Variants in KLHL32 observed in about 807,000 individuals in gnomAD.
The protein encoded by KLHL32 is kelch-like protein 32.
Under a neutral mutation model 64.8 loss-of-function variants are expected in KLHL32, and 35 were observed. That is an observed-to-expected ratio of 0.54 (90% CI 0.41 to 0.72). KLHL32 has a LOEUF of 0.72. KLHL32 is among the 30% of genes least tolerant of loss of function. The pLI is 0.00. For missense variants in KLHL32, 589 were observed against 768.5 expected (o/e 0.77, Z 2.76); for synonymous variants, 259 against 281.0 (o/e 0.92, Z 0.78).
intron 1 of KLHL32, among the ~76,000 whole-genome samples, chr6:96,930,997 G>A (rs1023125154): frequency 7.9e-5 from 12 of 152,058 alleles, no homozygotes; most frequent in African/African-American, 2.9e-4. Flanking sequence ...AGACCTCCTA[G>A]CCTTTCTGCA....
At chr6:97,127,079 T>A (rs1798950557) in intron 7 of KLHL32, among the ~76,000 whole-genome samples, 1 of 152,192 alleles carries the variant, frequency 6.6e-6, no homozygotes, top group South Asian at 2.1e-4. Flanking sequence ...TGTGTAGAGA[T>A]TTGTCTATGT....
At chr6:97,082,360 T>A (rs1323856095) in intron 5 of KLHL32, among the ~76,000 whole-genome samples, 1 of 152,178 alleles carries the variant, frequency 6.6e-6, no homozygotes, top group Non-Finnish European at 1.5e-5. Context: ...ACACCTGTAA[T>A]CCCAGCACTT....
At chr6:97,066,432 A>G (rs1385460312) in intron 5 of KLHL32, among the ~76,000 whole-genome samples, 2 of 152,200 alleles carry the variant, frequency 1.3e-5, no homozygotes, top group African/African-American at 2.4e-5. Flanking sequence ...AGTGACTTGT[A>G]TACTTTGGAA....
chr6:97,130,463 A>G (rs1457549009), intron 8 of KLHL32, among the ~76,000 whole-genome samples: 2 of 152,216 alleles, frequency 1.3e-5, no homozygotes, highest in African/African-American at 4.8e-5. Flanking sequence ...TGAGATAAAC[A>G]TCATGAAAAT....
intron 1 of KLHL32, among the ~76,000 whole-genome samples, chr6:96,925,306 CTA>C (rs1264120957): frequency 6.6e-6 from 1 of 152,140 alleles, no homozygotes; most frequent in Admixed American, 6.5e-5. Context: ...CGTGGGACAT[CTA>C]TTGAAAGAAC....
intron 9 of KLHL32, among the ~76,000 whole-genome samples, 157 bp downstream of exon 9, chr6:97,131,106 A>G (rs1408822618): frequency 1.3e-5 from 2 of 152,180 alleles, no homozygotes; most frequent in East Asian, 3.9e-4. Flanking sequence ...TTATGTTCTA[A>G]CAGAACTGGA....
the KLHL32 span, among the ~76,000 whole-genome samples, chr6:96,912,905 C>T: frequency 6.6e-6 from 1 of 152,180 alleles, no homozygotes; most frequent in Admixed American, 6.5e-5. Context: ...CACCAAGGTA[C>T]CCTGTAAGCC....
intron 3 of KLHL32, among the ~76,000 whole-genome samples, chr6:96,983,432 T>C (rs1288265271): frequency 6.6e-6 from 1 of 152,302 alleles, no homozygotes; most frequent in South Asian, 2.1e-4. Flanking sequence ...TTTCTATTGA[T>C]TGGAATAGTT....
At chr6:96,947,101 C>A (rs1209762588) in intron 1 of KLHL32, among the ~76,000 whole-genome samples, 4 of 152,132 alleles carry the variant, frequency 2.6e-5, no homozygotes, top group African/African-American at 9.7e-5. Context: ...TGGGTTCCTA[C>A]CTAAGTAAAT....
At chr6:97,062,182 C>T (rs1205569348) in intron 4 of KLHL32, among the ~76,000 whole-genome samples, 3 of 152,150 alleles carry the variant, frequency 2.0e-5, no homozygotes, top group Admixed American at 2.0e-4. Context: ...GAATATTCAT[C>T]TTGTCTCTCT....
At chr6:96,980,960 C>G (rs1232601547) in intron 3 of KLHL32, among the ~76,000 whole-genome samples, 2 of 147,922 alleles carry the variant, frequency 1.4e-5, no homozygotes, top group African/African-American at 5.0e-5. Flanking sequence ...GCAAACATGT[C>G]ATTCTTCACA....
At chr6:96,988,718 T>G (rs2128060553) in intron 3 of KLHL32, among the ~76,000 whole-genome samples, 1 of 152,266 alleles carries the variant, frequency 6.6e-6, no homozygotes, top group South Asian at 2.1e-4. Flanking sequence ...TGTCCAACAA[T>G]GATAGACTGG....
chr6:96,978,304 C>T (rs1257696636), intron 3 of KLHL32, among the ~76,000 whole-genome samples: 1 of 152,098 alleles, frequency 6.6e-6, no homozygotes, highest in African/African-American at 2.4e-5. Context: ...CAACCTCCAC[C>T]ATTAAGTAGG....
At chr6:96,998,952 C>T (rs182852038) in intron 3 of KLHL32, among the ~76,000 whole-genome samples, 157 of 151,914 alleles carry the variant, frequency 1.0e-3, no homozygotes, top group Non-Finnish European at 5.7e-4. Flanking sequence ...ACTAGAACAA[C>T]GTTAGTTAGA....
intron 3 of KLHL32, among the ~76,000 whole-genome samples, chr6:96,981,903 T>G (rs970628334): frequency 1.3e-5 from 2 of 152,200 alleles, no homozygotes; most frequent in African/African-American, 4.8e-5. Flanking sequence ...TATTACACTT[T>G]GGTCTGAGAG....
intron 6 of KLHL32, among the ~76,000 whole-genome samples, chr6:97,099,875 TA>T (rs11307696): frequency 0.16 from 22,959 of 145,878 alleles, 3,293 homozygotes; most frequent in African/African-American, 0.37. Flanking sequence ...CTATTTGGGT[TA>T]AAAAAAAAAA....
At chr6:97,052,522 A>G (rs1787099112) in intron 4 of KLHL32, among the ~76,000 whole-genome samples, 1 of 152,246 alleles carries the variant, frequency 6.6e-6, no homozygotes, top group African/African-American at 2.4e-5. Context: ...CTGTGTAAAC[A>G]AATGTTTCAC....
chr6:96,905,847 C>A, the KLHL32 span, among the ~76,000 whole-genome samples: 1 of 152,116 alleles, frequency 6.6e-6, no homozygotes, highest in African/African-American at 2.4e-5. Flanking sequence ...GTATTATACC[C>A]AACTATACAT....
chr6:96,978,879 A>G (rs1775993910), intron 3 of KLHL32, among the ~76,000 whole-genome samples: 2 of 152,090 alleles, frequency 1.3e-5, no homozygotes, highest in Admixed American at 1.3e-4. Context: ...TTTGAGTTGC[A>G]TTTCTCTAAT....
Sources: allele counts gnomAD v4.1 joint callset (sites outside exome capture counted in the v4.1 genomes callset), GRCh38; gene constraint gnomAD v4.1.1; transcripts MANE v1.5; gene names NCBI Gene and HGNC (gene_info 2026-07-23, HGNC 2026-07-21).